The following DIAPH3 variants were observed in gnomAD, a reference collection of about 807,000 sequenced individuals.
DIAPH3 encodes protein diaphanous homolog 3.
In DIAPH3, 117 loss-of-function variants were observed where a neutral mutation model predicts 144.3. The ratio of observed to expected loss-of-function variants is 0.81; its 90% CI spans 0.70 to 0.95. The LOEUF (loss-of-function observed/expected upper bound fraction) is 0.95. Ranked by LOEUF, DIAPH3 falls within the 40% of genes least tolerant of loss-of-function variation. The pLI is 0.00. For synonymous variants in DIAPH3, 519 were observed against 488.9 expected, an observed-to-expected ratio of 1.06 and a Z score of -0.81; for missense variants, 1,421 against 1,412.7, an observed-to-expected ratio of 1.01 and a Z score of -0.09.
intron 2 of DIAPH3, among the ~76,000 whole-genome samples, chr13:60,117,497 G>C (rs2058731734): frequency 6.6e-6 from 1 of 152,080 alleles, no homozygotes; most frequent in Non-Finnish European, 1.5e-5. Context: ...ATGAATACCT[G>C]AGGCTAAAAG....
intron 5 of DIAPH3, among the ~76,000 whole-genome samples, chr13:60,040,352 G>T (rs776705374): frequency 6.7e-6 from 1 of 150,340 alleles, no homozygotes; most frequent in Non-Finnish European, 1.5e-5. Flanking sequence ...CTACTTCATG[G>T]ATAACATCAT....
intron 25 of DIAPH3, among the ~76,000 whole-genome samples, chr13:59,781,999 T>C (rs1593837745): frequency 6.6e-6 from 1 of 152,186 alleles, no homozygotes; most frequent in African/African-American, 2.4e-5. Context: ...GCTGGCATCA[T>C]GATCTTGTAT....
chr13:59,816,395 T>C (rs1018018762), intron 24 of DIAPH3, among the ~76,000 whole-genome samples: 2 of 151,806 alleles, frequency 1.3e-5, no homozygotes, highest in Non-Finnish European at 2.9e-5. Context: ...TCTAGGAACT[T>C]ATCCATTTCA....
At chr13:59,752,823 G>C (rs2037078975) in intron 27 of DIAPH3, among the ~76,000 whole-genome samples, 1 of 152,198 alleles carries the variant, frequency 6.6e-6, no homozygotes, top group Non-Finnish European at 1.5e-5. Context: ...ATGTGGGTAA[G>C]TGGGGAATGA....
intron 17 of DIAPH3, among the ~76,000 whole-genome samples, chr13:59,948,879 AGG>A (rs2048945062): frequency 6.6e-6 from 1 of 151,740 alleles, no homozygotes; most frequent in African/African-American, 2.4e-5. Flanking sequence ...GAAGGAAGGA[AGG>A]AAGGAAGGAA....
chr13:60,088,229 C>T (rs1047935797), intron 4 of DIAPH3, among the ~76,000 whole-genome samples: 1 of 144,878 alleles, frequency 6.9e-6, no homozygotes, highest in African/African-American at 2.6e-5. Context: ...TTCATCTCTA[C>T]TAAGTATTCT....
chr13:59,804,216 C>T (rs1290406003), intron 25 of DIAPH3, among the ~76,000 whole-genome samples: 3 of 152,180 alleles, frequency 2.0e-5, no homozygotes, highest in African/African-American at 7.2e-5. Flanking sequence ...GACCACATGG[C>T]TTAAAACCAC....
At chr13:60,122,742 G>C (rs183703085) in intron 2 of DIAPH3, among the ~76,000 whole-genome samples, 81 of 151,850 alleles carry the variant, frequency 5.3e-4, no homozygotes, top group African/African-American at 1.9e-3. Context: ...TGATAATTTA[G>C]AGTAGGCCCC....
intron 27 of DIAPH3, among the ~76,000 whole-genome samples, chr13:59,674,834 GACT>G (rs567589094): frequency 1.5e-3 from 226 of 152,258 alleles, no homozygotes; most frequent in Non-Finnish European, 1.0e-3. Flanking sequence ...AGCTGTCTCA[GACT>G]ACTAAGCACT....
intron 4 of DIAPH3, among the ~76,000 whole-genome samples, chr13:60,059,169 TA>T (rs1235640082): frequency 6.6e-6 from 1 of 151,324 alleles, no homozygotes; most frequent in African/African-American, 2.4e-5. Flanking sequence ...AAAAAATTTA[TA>T]AAATAGAAAA....
chr13:59,963,826 G>C (rs890831970), intron 17 of DIAPH3, among the ~76,000 whole-genome samples: 2 of 152,172 alleles, frequency 1.3e-5, no homozygotes, highest in African/African-American at 4.8e-5. Flanking sequence ...CCAAAGCACT[G>C]AGATTAGAGG....
intron 21 of DIAPH3, among the ~76,000 whole-genome samples, chr13:59,878,659 A>G (rs1008431955): frequency 2.6e-5 from 4 of 152,100 alleles, no homozygotes; most frequent in African/African-American, 7.2e-5. Flanking sequence ...ACACAGGAGA[A>G]AAAAAAGGCT....
intron 5 of DIAPH3, among the ~76,000 whole-genome samples, chr13:60,026,317 G>A (rs2054369749): frequency 6.6e-6 from 1 of 152,060 alleles, no homozygotes; most frequent in Non-Finnish European, 1.5e-5. Flanking sequence ...GTAATGATTT[G>A]GAAAGCTAAA....
At position 59,848,027 on chromosome 13, in the gene DIAPH3, A is replaced by C. The variant is rs2042748169; in HGVS notation, c.2738-8579T>G. 2.0e-5 allele frequency among the ~76,000 whole-genome samples: 3 copies of C among 152,180 alleles called. No homozygotes were observed. The South Asian group carries it at 6.2e-4, about 31-fold the overall frequency. On this transcript the variant is annotated intron_variant, in intron 22 of 27. Transcript: ENST00000400324. Reference sequence around the variant, plus strand: ...TCTTTCATGCCGCACACATCTAACCATAGAGCGCATCTTGCTGGTTCTAAC... The same window carrying C: ...TCTTTCATGCCGCACACATCTAACCCTAGAGCGCATCTTGCTGGTTCTAAC...
chr13:59,695,202 A>G (rs1464964459), intron 27 of DIAPH3: 1 of 152,206 alleles, frequency 6.6e-6, no homozygotes, highest in African/African-American at 2.4e-5. Context: ...GGCCCACTTT[A>G]CAGGGAAAAG....
chr13:59,940,843 C>T lies in DIAPH3; in HGVS notation c.2075-15973G>A, dbSNP rs545340371. Among the ~76,000 whole-genome samples, 39 of 152,212 alleles carry T rather than the reference C, an allele frequency of 2.6e-4. No homozygotes were observed. In the South Asian group the frequency reaches 7.9e-3, roughly 31 times the overall value. ...CCTGGCCATTCAAAGCCTATCTAGC[C>T]CATCAGTAGAAACTGCAAATGTGAT... is the stretch of plus-strand genomic sequence containing the variant. On this transcript the variant is annotated intron_variant, in intron 17 of 27. Coordinates refer to ENST00000400324, the MANE Select transcript of DIAPH3 (RefSeq NM_001042517.2).
At chr13:59,952,563 C>T (rs914868933) in intron 17 of DIAPH3, among the ~76,000 whole-genome samples, 1 of 151,992 alleles carries the variant, frequency 6.6e-6, no homozygotes, top group Non-Finnish European at 1.5e-5. Context: ...CTTTTTGCTG[C>T]TAAAACAGAA....
chr13:59,983,880 A>T lies in DIAPH3; in HGVS notation c.1369T>A (p.Tyr457Asn). Residue 457 changes from tyrosine to asparagine, a missense_variant, in exon 13 of 28, where the codon TAC (tyrosine) becomes AAC (asparagine). Tyr to Asn is a moderately radical substitution (Grantham distance 143). Transcript: ENST00000400324. ...ACACACTCATCAATTAATTTGAAGTATTGTTGCCTAAAACCAAAGAAAAGA... is the reference window on the plus strand; with the variant it reads ...ACACACTCATCAATTAATTTGAAGTTTTGTTGCCTAAAACCAAAGAAAAGA... ...IRNDYFIRQQ[Y>N]FKLIDECVSQ... The T allele has an allele frequency of 6.3e-7, 1 of 1,595,528 alleles. No individual in the cohort carries two copies. The highest frequency in any genetic ancestry group is 8.6e-7 in the Non-Finnish European group (1 of 1,164,576).
chr13:59,940,962 C>T (rs928041960), intron 17 of DIAPH3, among the ~76,000 whole-genome samples: 3 of 152,212 alleles, frequency 2.0e-5, no homozygotes, highest in Admixed American at 2.0e-4. Context: ...GAGATGATAA[C>T]TGGAGATTAA....
Sources: gnomAD v4.1 joint callset for allele counts (sites outside exome capture counted in the v4.1 genomes callset) on GRCh38, gnomAD v4.1.1 for gene constraint, MANE v1.5 for transcripts, NCBI Gene and HGNC (gene_info 2026-07-23, HGNC 2026-07-21) for gene names.